Variants in UNC13C observed in about 807,000 individuals in gnomAD.
UNC13C encodes the protein unc-13 homolog C.
UNC13C carries 174 observed loss-of-function variants against 245.4 expected under a neutral mutation model. The ratio of observed to expected loss-of-function variants is 0.71; its 90% CI spans 0.63 to 0.80. The LOEUF (loss-of-function observed/expected upper bound fraction) is 0.80. Ranked by LOEUF, UNC13C falls within the 30% of genes least tolerant of loss-of-function variation. The pLI is 0.00. For missense variants in UNC13C, 2,829 were observed against 2,602.9 expected, an observed-to-expected ratio of 1.09 and a Z score of -1.89; for synonymous variants, 992 against 895.1, an observed-to-expected ratio of 1.11 and a Z score of -1.93.
the UNC13C span, among the ~76,000 whole-genome samples, chr15:53,947,303 C>T: frequency 6.6e-6 from 1 of 152,072 alleles, no homozygotes; most frequent in Non-Finnish European, 1.5e-5. Flanking sequence ...TTTTTCACAA[C>T]ATCATATTTA....
chr15:53,838,418 C>G, the UNC13C span, among the ~76,000 whole-genome samples: 1 of 151,860 alleles, frequency 6.6e-6, no homozygotes, highest in Non-Finnish European at 1.5e-5. Context: ...TGGTGCTTAC[C>G]ATAGATTTTT....
chr15:54,448,946 A>T (rs1890996016), intron 19 of UNC13C, among the ~76,000 whole-genome samples: 1 of 152,126 alleles, frequency 6.6e-6, no homozygotes, highest in African/African-American at 2.4e-5. Flanking sequence ...TGCTTCCTTC[A>T]GGAGCTCTTG....
In UNC13C at chr15:54,289,002, T is replaced by G. The variant is rs570203161; in HGVS notation, c.3819-4893T>G. On this transcript the variant is annotated intron_variant, in intron 10 of 32. Coordinates refer to ENST00000260323, the MANE Select transcript of UNC13C (RefSeq NM_001080534.3). ...TTTGACTCGAAGACCTCTTAAAGGA[T>G]GGTGCTGGAAAAGCCCTAGGGCAAC... 2.4e-4 allele frequency among the ~76,000 whole-genome samples: 37 copies of G among 152,252 alleles called. No homozygotes were observed. The South Asian group carries it at 7.7e-3, about 32-fold the overall frequency.
chr15:54,413,186 G>A (rs1292055019), intron 18 of UNC13C, among the ~76,000 whole-genome samples: 1 of 151,910 alleles, frequency 6.6e-6, no homozygotes, highest in African/African-American at 2.4e-5. Context: ...TTTTGTTGAA[G>A]ATTTTTACAT....
chr15:54,398,381 T>C (rs2040114445), intron 18 of UNC13C, among the ~76,000 whole-genome samples: 1 of 151,358 alleles, frequency 6.6e-6, no homozygotes, highest in Non-Finnish European at 1.5e-5. Flanking sequence ...TTTGCCTTTG[T>C]GTTTATGAGG....
chr15:54,050,714 T>C (rs1595770650), intron 2 of UNC13C: 3 of 563,094 alleles, frequency 5.3e-6, no homozygotes, highest in South Asian at 1.4e-5. Context: ...GTAAATATCA[T>C]CAGGAAGCTT....
At chr15:54,056,755 T>G (rs1897547298) in intron 2 of UNC13C, among the ~76,000 whole-genome samples, 2 of 152,138 alleles carry the variant, frequency 1.3e-5, no homozygotes, top group Admixed American at 6.6e-5. Flanking sequence ...GACTAACAGC[T>G]GATCTCTCGG....
chr15:54,061,715 A>T (rs1050686367), intron 2 of UNC13C, among the ~76,000 whole-genome samples: 4 of 152,222 alleles, frequency 2.6e-5, no homozygotes, highest in Admixed American at 6.5e-5. Context: ...CTCATTCTAT[A>T]AAACCTTTTC....
chr15:53,914,206 G>T, the UNC13C span: 107,627 of 151,502 alleles, frequency 0.71, 38,276 homozygotes, highest in Admixed American at 0.76. Flanking sequence ...CTAGGGGGTG[G>T]AGTGTAAGGT....
intron 2 of UNC13C, among the ~76,000 whole-genome samples, chr15:54,080,464 T>C (rs1051792930): frequency 6.6e-6 from 1 of 152,040 alleles, no homozygotes; most frequent in Admixed American, 6.6e-5. Context: ...TTTTTTTTAG[T>C]TGGTAGATTT....
intron 4 of UNC13C, among the ~76,000 whole-genome samples, chr15:54,168,991 C>T (rs1158294434): frequency 6.6e-6 from 1 of 152,102 alleles, no homozygotes; most frequent in African/African-American, 2.4e-5. Context: ...CACCTATCAA[C>T]CTAATGTTAA....
intron 10 of UNC13C, among the ~76,000 whole-genome samples, chr15:54,290,327 G>A (rs117118730): frequency 6.6e-6 from 1 of 151,916 alleles, no homozygotes; most frequent in African/African-American, 2.4e-5. Flanking sequence ...AGGGTTCAGG[G>A]CCTAGAGAAA....
At chr15:54,122,535 C>T (rs1274080268) in intron 2 of UNC13C, among the ~76,000 whole-genome samples, 1 of 151,880 alleles carries the variant, frequency 6.6e-6, no homozygotes, top group Non-Finnish European at 1.5e-5. Flanking sequence ...CAGTTTGATA[C>T]ATTTTTGGCT....
intron 4 of UNC13C, among the ~76,000 whole-genome samples, chr15:54,165,513 G>T (rs376646578): frequency 1.3e-5 from 2 of 152,072 alleles, no homozygotes; most frequent in Non-Finnish European, 2.9e-5. Flanking sequence ...GACAGAGCTA[G>T]GTTCTGATTC....
chr15:53,840,104 C>G, the UNC13C span, among the ~76,000 whole-genome samples: 2 of 152,220 alleles, frequency 1.3e-5, no homozygotes, highest in African/African-American at 4.8e-5. Context: ...AGTTAGGTGT[C>G]TCTGCTAAGA....
At chr15:54,432,646 G>A (rs886215888) in intron 19 of UNC13C, among the ~76,000 whole-genome samples, 4 of 151,646 alleles carry the variant, frequency 2.6e-5, no homozygotes, top group Non-Finnish European at 4.4e-5. Context: ...ATCAGAAAGT[G>A]GGAAAGATCA....
chr15:54,605,875 A>G (rs559366600), intron 30 of UNC13C, among the ~76,000 whole-genome samples: 11 of 152,360 alleles, frequency 7.2e-5, no homozygotes, highest in Admixed American at 5.9e-4. Flanking sequence ...ACATTAGGCC[A>G]GTGCTACTTG....
At chr15:54,568,940 C>T (rs1897632396) in intron 30 of UNC13C, among the ~76,000 whole-genome samples, 1 of 152,092 alleles carries the variant, frequency 6.6e-6, no homozygotes, top group African/African-American at 2.4e-5. Context: ...ACAATTATCC[C>T]TTTTCATATA....
At chr15:54,061,588 A>G (rs192359650) in intron 2 of UNC13C, among the ~76,000 whole-genome samples, 170 of 152,246 alleles carry the variant, frequency 1.1e-3, no homozygotes, top group African/African-American at 3.9e-3. Flanking sequence ...TTGTCAGCAT[A>G]ATGGTACAGC....
Sources: gnomAD v4.1 joint callset for allele counts (sites outside exome capture counted in the v4.1 genomes callset) on GRCh38, gnomAD v4.1.1 for gene constraint, MANE v1.5 for transcripts, NCBI Gene and HGNC (gene_info 2026-07-23, HGNC 2026-07-21) for gene names.